PPP2R2B: variants seen among roughly 807,000 people sequenced by gnomAD.
PPP2R2B encodes the protein protein phosphatase 2 regulatory subunit Bbeta.
PPP2R2B carries 5 observed loss-of-function variants against 46.0 expected under a neutral mutation model. That is an observed-to-expected ratio of 0.11 (90% CI 0.06 to 0.23). The LOEUF (loss-of-function observed/expected upper bound fraction) is 0.23, where lower values mean the gene tolerates loss of function less well. PPP2R2B is among the 10% of genes least tolerant of loss of function. The pLI is 1.00. For missense variants in PPP2R2B, 367 were observed against 575.0 expected (o/e 0.64, Z 3.70); for synonymous variants, 215 against 206.7 (o/e 1.04, Z -0.34).
At chr5:146,712,403 G>A (rs532706134) in intron 2 of PPP2R2B, among the ~76,000 whole-genome samples, 9 of 152,258 alleles carry the variant, frequency 5.9e-5, no homozygotes, top group Non-Finnish European at 1.3e-4. Context: ...GAATAAACTA[G>A]TGTTGATTTT....
intron 7 of PPP2R2B, among the ~76,000 whole-genome samples, chr5:146,608,789 AC>A (rs1772554687): frequency 6.6e-6 from 1 of 151,980 alleles, no homozygotes; most frequent in Non-Finnish European, 1.5e-5. Flanking sequence ...TGTCTCAAAA[AC>A]AAACAAGACA....
chr5:146,902,934 T>G (rs1397110247), intron 1 of PPP2R2B, among the ~76,000 whole-genome samples: 1 of 152,176 alleles, frequency 6.6e-6, no homozygotes, highest in African/African-American at 2.4e-5. Flanking sequence ...GGTCCATAGA[T>G]CAAAACCATT....
At chr5:146,844,768 T>C (rs1759883545) in intron 2 of PPP2R2B, among the ~76,000 whole-genome samples, 1 of 152,244 alleles carries the variant, frequency 6.6e-6, no homozygotes, top group Non-Finnish European at 1.5e-5. Context: ...GATCAATATG[T>C]TGTCATTCCA....
intron 6 of PPP2R2B, among the ~76,000 whole-genome samples, chr5:146,639,898 T>C (rs1315816318): frequency 1.3e-5 from 2 of 152,096 alleles, no homozygotes; most frequent in African/African-American, 2.4e-5. Flanking sequence ...GTGCCAGGAG[T>C]TTATGCACCA....
At chr5:146,930,798 G>A (rs958262902) in intron 1 of PPP2R2B, among the ~76,000 whole-genome samples, 1 of 152,106 alleles carries the variant, frequency 6.6e-6, no homozygotes, top group Non-Finnish European at 1.5e-5. Context: ...GTCGATATTA[G>A]AATTTTATGT....
chr5:147,056,251 A>G (rs1757079357), upstream of PPP2R2B: 4 of 318,206 alleles, frequency 1.3e-5, no homozygotes, highest in Non-Finnish European at 1.8e-5. Context: ...GCCACCCGTA[A>G]TGCCATGGAT....
intron 6 of PPP2R2B, among the ~76,000 whole-genome samples, chr5:146,640,352 A>C (rs1165532044): frequency 6.6e-6 from 1 of 152,124 alleles, no homozygotes. Context: ...CTACCCTTCA[A>C]CTCAACTTCT....
At chr5:146,929,139 G>C (rs114839745) in intron 1 of PPP2R2B, among the ~76,000 whole-genome samples, 1,983 of 152,082 alleles carry the variant, frequency 0.013, 36 homozygotes, top group African/African-American at 0.046. Flanking sequence ...CCCACTGCCC[G>C]CCTACCTCTC....
chr5:146,663,622 T>C lies in PPP2R2B; in HGVS notation c.448-12898A>G, dbSNP rs185564592. On this transcript the variant is annotated intron_variant, in intron 5 of 9. Coordinates refer to ENST00000394411, the MANE Select transcript of PPP2R2B (RefSeq NM_181675.4). ...ATGCTTATACTATACTGTAGTCTATTAAGTGTACAATAGCATTATGTTTAA... is the reference window on the plus strand; with the variant it reads ...ATGCTTATACTATACTGTAGTCTATCAAGTGTACAATAGCATTATGTTTAA... 4.6e-5 allele frequency among the ~76,000 whole-genome samples: 7 copies of C among 152,270 alleles called. No homozygotes were observed. The East Asian group carries it at 1.4e-3, about 29-fold the overall frequency.
chr5:146,863,535 G>A (rs1761129163), intron 2 of PPP2R2B, among the ~76,000 whole-genome samples: 1 of 151,964 alleles, frequency 6.6e-6, no homozygotes, highest in Admixed American at 6.6e-5. Context: ...ATTGAAACTT[G>A]GAGTTTCTAG....
In PPP2R2B at chr5:146,585,021, C is replaced by A. The variant is rs1370584817; in HGVS notation, c.*4926G>T. The stretch of plus-strand genomic sequence containing the variant: ...ATTTCTTCCTCTGTATGACTTCTGC[C>A]CTTCATAGATATCTCATTGTAAAAA... On this transcript the variant is annotated 3_prime_UTR_variant, in exon 10 of 10. Coordinates refer to ENST00000394411, the MANE Select transcript of PPP2R2B (RefSeq NM_181675.4). The A allele has an allele frequency of 6.6e-6, 1 of 152,022 alleles. No individual in the cohort carries two copies. Among genetic ancestry groups the A allele is most frequent in the Non-Finnish European group, 1.5e-5 (1 of 68,024 alleles). 9.4% of individuals were successfully genotyped at this position (152,022 alleles called of 1,614,324 possible). A position where few individuals can be genotyped will look rare whatever the true frequency, so the allele number is the denominator to read the frequency against.
At chr5:146,761,580 C>T (rs904655776) in intron 2 of PPP2R2B, among the ~76,000 whole-genome samples, 1 of 151,634 alleles carries the variant, frequency 6.6e-6, no homozygotes, top group African/African-American at 2.4e-5. Context: ...AACAAACCTG[C>T]ACGTTGTGCA....
In PPP2R2B at chr5:146,931,172, C is replaced by T. The variant is rs118154998; in HGVS notation, c.79+124493G>A. The stretch of plus-strand genomic sequence containing the variant: ...GGAGGAGAAAGTGATATCTCTGTAA[C>T]GCAAGCCAGAACCTTCCGCAATAAT... On this transcript the variant is annotated intron_variant, in intron 1 of 8. Transcript: ENST00000336640. Among the ~76,000 whole-genome samples, 190 of 152,190 alleles carry T rather than the reference C, an allele frequency of 1.2e-3. 1 individual carries two copies. In the East Asian group the frequency reaches 0.018, roughly 15 times the overall value.
At chr5:146,777,258 T>C (rs1299830007) in intron 2 of PPP2R2B, among the ~76,000 whole-genome samples, 1 of 152,122 alleles carries the variant, frequency 6.6e-6, no homozygotes, top group East Asian at 1.9e-4. Context: ...AAATAAAATG[T>C]GGCGCATATG....
Position 146,878,310 on chromosome 5 carries a change from C to A in PPP2R2B, c.-124-115G>T. On this transcript the variant is annotated intron_variant, in intron 1 of 9. Coordinates refer to ENST00000394411, the MANE Select transcript of PPP2R2B (RefSeq NM_181675.4). This position sits in a 1 kb window ranked among gnomAD's most constrained non-coding sequence, Gnocchi z 4.5. ...GGCGGCTCCTCCCGCGCGGTGCGCT[C>A]ACTCCAGCTCCAGTTCCCAGCGAGG... 1.4e-6 allele frequency: 2 copies of A among 1,444,978 alleles called. No individual in the cohort carries two copies. Among genetic ancestry groups the A allele is most frequent in the South Asian group, 2.9e-5 (2 of 67,918 alleles). 89.5% of individuals were successfully genotyped at this position (1,444,978 alleles called of 1,614,324 possible).
At chr5:146,707,431 C>T (rs1779931456) in intron 2 of PPP2R2B, 2 of 771,834 alleles carry the variant, frequency 2.6e-6, no homozygotes, top group East Asian at 2.4e-5. Flanking sequence ...AGTGATGCCT[C>T]CCATGCCACT....
intron 7 of PPP2R2B, among the ~76,000 whole-genome samples, chr5:146,635,008 A>G (rs1774713925): frequency 6.6e-6 from 1 of 152,144 alleles, no homozygotes; most frequent in Admixed American, 6.5e-5. Flanking sequence ...CAGGCCTAGA[A>G]CCGGAGGAAT....
chr5:146,971,728 C>T (rs958288140), intron 1 of PPP2R2B, among the ~76,000 whole-genome samples: 2 of 152,174 alleles, frequency 1.3e-5, no homozygotes, highest in African/African-American at 4.8e-5. Flanking sequence ...TGTTTTCCTA[C>T]AGCATTTCCA....
intron 2 of PPP2R2B, among the ~76,000 whole-genome samples, chr5:146,767,987 G>A (rs979067705): frequency 6.6e-6 from 1 of 152,032 alleles, no homozygotes; most frequent in African/African-American, 2.4e-5. Flanking sequence ...AATTACCTGA[G>A]GTCCTCTGGG....
Sources: gnomAD v4.1 joint callset for allele counts (sites outside exome capture counted in the v4.1 genomes callset) on GRCh38, gnomAD v4.1.1 for gene constraint, Gnocchi (gnomAD v3.1) non-coding constraint, MANE v1.5 for transcripts, NCBI Gene and HGNC (gene_info 2026-07-23, HGNC 2026-07-21) for gene names.